The following CDT1 variants were observed in gnomAD, a reference collection of about 807,000 sequenced individuals.
CDT1 encodes chromatin licensing and DNA replication factor 1.
Under a neutral mutation model 49.3 loss-of-function variants are expected in CDT1, and 66 were observed. The observed-to-expected ratio is 1.34, with a 90% confidence interval of 1.10 to 1.64. The LOEUF is 1.64. CDT1 is among the 40% of genes most tolerant of loss of function. The pLI is 0.00. For missense variants in CDT1, 958 were observed against 807.7 expected (o/e 1.19, Z -2.26); for synonymous variants, 424 against 347.4 (o/e 1.22, Z -2.45).
In CDT1 at chr16:88,807,131, TACCCCACCAGCC is replaced by T; in HGVS notation, c.1209_1220del (p.Thr406_Ala409del). The T allele has an allele frequency of 6.2e-7, 1 of 1,612,496 alleles. No individual in the cohort carries two copies. Among genetic ancestry groups the T allele is most frequent in the Non-Finnish European group, 8.5e-7 (1 of 1,179,878 alleles). On this transcript the variant is annotated inframe_deletion, in exon 8 of 10. Coordinates refer to ENST00000301019, the MANE Select transcript of CDT1 (RefSeq NM_030928.4). ...GGTCTCCCAGGCCAGCACTGCCGGC[TACCCCACCAGCC>T]ACCCCGCCTGCAGCCTCTCCCAGTG...
chr16:88,806,043 G>T lies in CDT1; in HGVS notation c.855G>T (p.Gln285His). 6.3e-7 allele frequency: 1 copy of T among 1,594,086 alleles called. No homozygotes were observed. Among genetic ancestry groups the T allele is most frequent in the South Asian group, 1.1e-5 (1 of 89,034 alleles). The change falls in exon 6 of 10, where the codon CAG becomes CAT. Residue 285 changes from glutamine (Q) to histidine (H), a missense_variant. By Grantham distance (24) the Gln-to-His change is conservative. Transcript: ENST00000301019. ...LEQEADGAAP[Q>H]LTASRLLQRR... ...CAGAGGCTGACGGAGCAGCCCCCCA[G>T]CTCACGGCCTCGCGCCTCCTGCAGC...
In CDT1 at chr16:88,808,955, C is replaced by T. The variant is rs115513771; in HGVS notation, c.*677C>T. 0.04 allele frequency: 6,705 copies of T among 169,344 alleles called. 497 individuals are homozygous for T. Among genetic ancestry groups the T allele is most frequent in the African/African-American group, 0.15 (6,365 of 41,664 alleles). 10.5% of individuals were successfully genotyped at this position (169,344 alleles called of 1,614,324 possible). A position where few individuals can be genotyped will look rare whatever the true frequency, so the allele number is the denominator to read the frequency against. On this transcript the variant is annotated 3_prime_UTR_variant, in exon 10 of 10. Transcript: ENST00000301019. ...AGCTTGCAGTGAGCGAAGATCGCAC[C>T]ACTGCACGCACTCCAGCCTGGGTGA...
chr16:88,806,072 G>A lies in CDT1; in HGVS notation c.884G>A (p.Arg295Gln), dbSNP rs149521649. 2.4e-5 allele frequency: 38 copies of A among 1,601,808 alleles called. No individual in the cohort carries two copies. The highest frequency in any genetic ancestry group is 5.6e-5 in the South Asian group (5 of 90,032). ...QLTASRLLQR[R>Q]QIFSQKLVEH... ...ACGGCCTCGCGCCTCCTGCAGCGACGGCAGATCTTCAGCCAGAAGCTGGTG... is the reference window on the plus strand; with the variant it reads ...ACGGCCTCGCGCCTCCTGCAGCGACAGCAGATCTTCAGCCAGAAGCTGGTG... Residue 295 changes from arginine (R) to glutamine (Q), a missense_variant, in exon 6 of 10, where the codon CGG becomes CAG. By Grantham distance (43) the Arg-to-Gln change is conservative. Coordinates refer to ENST00000301019, the MANE Select transcript of CDT1 (RefSeq NM_030928.4).
chr16:88,807,024 C>T (rs776108529), intron 7 of CDT1, 27 bp from the exon 8 acceptor site: 2 of 1,612,624 alleles, frequency 1.2e-6, no homozygotes, highest in Admixed American at 3.3e-5. Context: ...CTTGTGACCT[C>T]TCCAGTCCAA....
Position 88,804,755 on chromosome 16 carries a change from C to G in CDT1, c.352-7C>G, listed in dbSNP as rs760605287. 8.7e-6 allele frequency: 14 copies of G among 1,612,742 alleles called. No homozygotes were observed. The East Asian group carries it at 3.1e-4, about 36-fold the overall frequency. On this transcript the variant is annotated splice_region_variant and splice_polypyrimidine_tract_variant and intron_variant, in intron 2 of 9. Transcript: ENST00000301019. Reference sequence around the variant, plus strand: ...TGACGGCACCGTGTCCCCTGATCCCCCTGAAGGACACCATCTCTGAGCTTG... The same window carrying G: ...TGACGGCACCGTGTCCCCTGATCCCGCTGAAGGACACCATCTCTGAGCTTG...
rs1908897709 is a variant in CDT1, at chr16:88,807,310, G to A, written c.1305G>A (p.Leu435=). Residue 435 remains leucine (L), a synonymous_variant, in exon 9 of 10, where the codon CTG becomes CTA. Transcript: ENST00000301019. The part of the protein sequence containing the change: ...RIRAKEAQKQ[L]AQMTRCPEQE... Reference sequence around the variant, plus strand: ...GAGCCAAGGAGGCACAGAAGCAGCTGGCACAGATGACGCGGTGCCCGGAGC... The same window carrying A: ...GAGCCAAGGAGGCACAGAAGCAGCTAGCACAGATGACGCGGTGCCCGGAGC... The A allele has an allele frequency of 1.9e-6, 3 of 1,612,492 alleles. No homozygotes were observed. Among genetic ancestry groups the A allele is most frequent in the Non-Finnish European group, 2.5e-6 (3 of 1,179,938 alleles).
Position 88,808,479 on chromosome 16 carries a change from G to A in CDT1, c.*201G>A, listed in dbSNP as rs1799825. ...TGGGCCCCTTCATGGGGCTCACCTG[G>A]TGGATTCACATTAAACCGGTTTCTG... On this transcript the variant is annotated 3_prime_UTR_variant, in exon 10 of 10. Transcript: ENST00000301019. The A allele has an allele frequency of 0.058, 35,944 of 618,844 alleles. 1,324 individuals carry two copies. The highest frequency in any genetic ancestry group is 0.11 in the Middle Eastern group (256 of 2,272). 38.3% of individuals were successfully genotyped at this position (618,844 alleles called of 1,614,324 possible). A position where few individuals can be genotyped will look rare whatever the true frequency, so the allele number is the denominator to read the frequency against.
chr16:88,804,427 C>T (rs1005825018), intron 1 of CDT1, 118 bp from the exon 2 acceptor site: 14 of 1,318,590 alleles, frequency 1.1e-5, no homozygotes, highest in African/African-American at 2.9e-5. Context: ...AAGTCCTAAG[C>T]CCCCCAGCCA....
In CDT1 at chr16:88,807,485, ACGTGCAGGGCGGGGTGAAGGGG is replaced by A. The variant is rs769923406; in HGVS notation, c.1477+13_1477+34del. ...CTGTTGTACTATCATGAGCCCTGGT[ACGTGCAGGGCGGGGTGAAGGGG>A]CGTGCAGGGTGGAATTGCCTGGTGC... is the stretch of plus-strand genomic sequence containing the variant. On this transcript the variant is annotated splice_donor_5th_base_variant and intron_variant, in intron 9 of 9. Coordinates refer to ENST00000301019, the MANE Select transcript of CDT1 (RefSeq NM_030928.4). 3.7e-5 allele frequency: 60 copies of A among 1,612,254 alleles called. No individual in the cohort carries two copies. The highest frequency in any genetic ancestry group is 3.0e-4 in the South Asian group (27 of 91,050).
Position 88,805,788 on chromosome 16 carries a change from C to T in CDT1, c.751C>T (p.Gln251Ter). The T allele has an allele frequency of 6.2e-7, 1 of 1,613,140 alleles. No homozygotes were observed. The highest frequency in any genetic ancestry group is 8.5e-7 in the Non-Finnish European group (1 of 1,179,960). The change falls in exon 5 of 10, where the codon CAG (glutamine) becomes TAG (stop). Residue 251 changes from glutamine (Q) to a stop codon, truncating the protein, a stop_gained. Transcript: ENST00000301019. LOFTEE classifies it high-confidence loss of function. ...TVYPASYRFRQERSVPTFKDG... is the reference protein window; with the variant it reads ...TVYPASYRFR ...GTACCCGGCCTCCTACCGCTTCCGC[C>T]AGGAGCGCAGTGTCCCCACCTTCAA...
rs1908827441 is a variant in CDT1, at chr16:88,805,713, T to C, written c.687-11T>C. 6.2e-7 allele frequency: 1 copy of C among 1,612,626 alleles called. No homozygotes were observed. Among genetic ancestry groups the C allele is most frequent in the Admixed American group, 1.7e-5 (1 of 60,004 alleles). On this transcript the variant is annotated splice_polypyrimidine_tract_variant and intron_variant, in intron 4 of 9. Transcript: ENST00000301019. ...GGGCCTGCCTCCTGAGCCGCCCCCA[T>C]CCTCCCATAGGCGTTTTGAGGAGTG...
Position 88,808,286 on chromosome 16 carries a change from G to C in CDT1, c.*8G>C. Reference sequence around the variant, plus strand: ...GCTGAGGAGGGGCTGTGAGCCTGGGGGCCACTGTGGACAGACGTGGGCTTC... The same window carrying C: ...GCTGAGGAGGGGCTGTGAGCCTGGGCGCCACTGTGGACAGACGTGGGCTTC... On this transcript the variant is annotated 3_prime_UTR_variant, in exon 10 of 10. Coordinates refer to ENST00000301019, the MANE Select transcript of CDT1 (RefSeq NM_030928.4). The C allele has an allele frequency of 6.3e-7, 1 of 1,577,810 alleles. No homozygotes were observed. The highest frequency in any genetic ancestry group is 8.6e-7 in the Non-Finnish European group (1 of 1,162,168).
chr16:88,807,981 C>T, intron 9 of CDT1, 134 bp from the exon 10 acceptor site: 1 of 955,260 alleles, frequency 1.0e-6, no homozygotes, highest in Non-Finnish European at 1.6e-6. Flanking sequence ...ACCACCTCTG[C>T]CCTAAGTCCT....
intron 7 of CDT1, 21 bp from the exon 8 acceptor site, chr16:88,807,030 T>A (rs555466788): frequency 4.3e-6 from 7 of 1,612,772 alleles, no homozygotes; most frequent in Non-Finnish European, 5.9e-6. Flanking sequence ...ACCTCTCCAG[T>A]CCAACCTGTC....
intron 1 of CDT1, 113 bp from the exon 2 acceptor site, chr16:88,804,432 C>A: frequency 7.2e-7 from 1 of 1,380,750 alleles, no homozygotes; most frequent in Non-Finnish European, 1.0e-6. Context: ...CTAAGCCCCC[C>A]AGCCATGCCC....
In CDT1 at chr16:88,809,008, AAAT is replaced by A. The variant is rs1908988717; in HGVS notation, c.*731_*733del. 1.2e-5 allele frequency: 2 copies of A among 171,622 alleles called. No individual in the cohort carries two copies. Among genetic ancestry groups the A allele is most frequent in the Non-Finnish European group, 2.5e-5 (2 of 79,080 alleles). 10.6% of individuals were successfully genotyped at this position (171,622 alleles called of 1,614,324 possible). A position where few individuals can be genotyped will look rare whatever the true frequency, so the allele number is the denominator to read the frequency against. On this transcript the variant is annotated 3_prime_UTR_variant, in exon 10 of 10. Transcript: ENST00000301019. ...GAGCGAGACTCCGTCTCAAAAAAAA[AAAT>A]TTCAAGACTGGAGAGGTGATCCTGA...
chr16:88,805,954 C>T, intron 5 of CDT1, 67 bp from the exon 6 acceptor site: 21 of 1,585,920 alleles, frequency 1.3e-5, no homozygotes, highest in Non-Finnish European at 1.8e-5. Flanking sequence ...GGCATCTGGC[C>T]CAGGACTGGT....
Position 88,804,413 on chromosome 16 carries a change from C to A in CDT1, c.229-132C>A. The A allele has an allele frequency of 4.3e-6, 5 of 1,175,238 alleles. No homozygotes were observed. The East Asian group carries it at 7.1e-5, about 17-fold the overall frequency. The allele number at this position is 1,175,238 out of a possible 1,614,324, so 72.8% of individuals were successfully genotyped here. Reference sequence around the variant, plus strand: ...CGGCCTTAGCACAGACCACCATCTACGGGAAGTCCTAAGCCCCCCAGCCAT... The same window carrying A: ...CGGCCTTAGCACAGACCACCATCTAAGGGAAGTCCTAAGCCCCCCAGCCAT... On this transcript the variant is annotated intron_variant, in intron 1 of 9. Coordinates refer to ENST00000301019, the MANE Select transcript of CDT1 (RefSeq NM_030928.4).
At position 88,804,680 on chromosome 16, in the gene CDT1, G is replaced by A; in HGVS notation, c.351+13G>A. The A allele has an allele frequency of 6.2e-7, 1 of 1,612,380 alleles. No homozygotes were observed. The highest frequency in any genetic ancestry group is 8.5e-7 in the Non-Finnish European group (1 of 1,179,766). ...CGCGCAGGACCAGGTGAGGGGCGGG[G>A]CCTGGGGCAGATGCGGGAGGGCTGA... On this transcript the variant is annotated intron_variant, in intron 2 of 9. Coordinates refer to ENST00000301019, the MANE Select transcript of CDT1 (RefSeq NM_030928.4).
Sources: allele counts gnomAD v4.1 joint callset, GRCh38; gene constraint gnomAD v4.1.1; transcripts MANE v1.5; gene names NCBI Gene and HGNC (gene_info 2026-07-23, HGNC 2026-07-21).